LHFPL3: variants seen among roughly 807,000 people sequenced by gnomAD.
LHFPL3 encodes LHFPL tetraspan subfamily member 3 protein.
A neutral mutation model predicts 19.3 loss-of-function variants in LHFPL3; 5 were observed. The ratio of observed to expected loss-of-function variants is 0.26; its 90% CI spans 0.14 to 0.54. The LOEUF (loss-of-function observed/expected upper bound fraction) is 0.54, where lower values mean the gene tolerates loss of function less well. Ranked by LOEUF, LHFPL3 falls within the 20% of genes least tolerant of loss-of-function variation. The probability of loss-of-function intolerance (pLI) is 0.94; values close to 1 mark genes in which losing one functional copy is unlikely to be tolerated. For missense variants in LHFPL3, 249 were observed against 307.4 expected (o/e 0.81, Z 1.42); for synonymous variants, 133 against 126.2 (o/e 1.05, Z -0.36).
At chr7:104,627,150 G>T (rs1791560602) in intron 1 of LHFPL3, among the ~76,000 whole-genome samples, 1 of 151,850 alleles carries the variant, frequency 6.6e-6, no homozygotes, top group African/African-American at 2.4e-5. Context: ...CCGGGCCCTG[G>T]TAACCACCAT....
At chr7:104,809,290 C>A (rs1489689879) in intron 2 of LHFPL3, among the ~76,000 whole-genome samples, 1 of 152,212 alleles carries the variant, frequency 6.6e-6, no homozygotes, top group African/African-American at 2.4e-5. Context: ...CTTTAACATC[C>A]TTTTCCTAAA....
chr7:104,791,444 C>T (rs1297289951), intron 2 of LHFPL3, among the ~76,000 whole-genome samples: 1 of 152,198 alleles, frequency 6.6e-6, no homozygotes, highest in Non-Finnish European at 1.5e-5. Flanking sequence ...GCCCATTCTC[C>T]TTTTGCATCA....
chr7:104,379,547 G>C (rs1408912582), intron 1 of LHFPL3, among the ~76,000 whole-genome samples: 1 of 152,168 alleles, frequency 6.6e-6, no homozygotes, highest in Non-Finnish European at 1.5e-5. Flanking sequence ...TATTGGACAA[G>C]TCAATTATTT....
At chr7:104,501,412 A>T (rs1402177933) in intron 1 of LHFPL3, among the ~76,000 whole-genome samples, 1 of 152,246 alleles carries the variant, frequency 6.6e-6, no homozygotes, top group South Asian at 2.1e-4. Context: ...AATATGATTT[A>T]AACTAAAGGC....
chr7:104,335,965 G>C (rs1464678756), intron 1 of LHFPL3, among the ~76,000 whole-genome samples: 1 of 152,104 alleles, frequency 6.6e-6, no homozygotes, highest in Non-Finnish European at 1.5e-5. Context: ...GGGGAGTAGA[G>C]AGAATTTTGG....
rs573263671 is a variant in LHFPL3 at position 104,812,502 on chromosome 7, A to T, written c.682+75591A>T. On this transcript the variant is annotated intron_variant, in intron 2 of 2. Transcript: ENST00000424859. ...GAGACCCCCATGTCTACAAAAAAAA[A>T]TTTTTTTTTTAATTAGACGTAGCCA... Among the ~76,000 whole-genome samples, 411 of 150,682 alleles carry T rather than the reference A, an allele frequency of 2.7e-3. 2 individuals are homozygous for T. Among genetic ancestry groups the T allele is most frequent in the African/African-American group, 9.0e-3 (369 of 40,792 alleles).
intron 1 of LHFPL3, among the ~76,000 whole-genome samples, chr7:104,702,660 C>A (rs1433410983): frequency 6.6e-6 from 1 of 152,208 alleles, no homozygotes; most frequent in African/African-American, 2.4e-5. Flanking sequence ...ATTTTGCCTG[C>A]AACATGCACT....
chr7:104,371,798 A>G (rs1790621556), intron 1 of LHFPL3, among the ~76,000 whole-genome samples: 1 of 152,212 alleles, frequency 6.6e-6, no homozygotes, highest in African/African-American at 2.4e-5. Context: ...ACAATTTTGC[A>G]ACAGAATAAA....
intron 1 of LHFPL3, among the ~76,000 whole-genome samples, chr7:104,610,742 T>C (rs1369545740): frequency 6.6e-6 from 1 of 152,226 alleles, no homozygotes; most frequent in Non-Finnish European, 1.5e-5. Flanking sequence ...CTTTACTCAG[T>C]CTACTAATTC....
At chr7:104,670,817 C>A (rs1416024552) in intron 1 of LHFPL3, among the ~76,000 whole-genome samples, 1 of 150,974 alleles carries the variant, frequency 6.6e-6, no homozygotes, top group South Asian at 2.1e-4. Context: ...AAATGCCACA[C>A]TAATGTTTGT....
At chr7:104,604,735 A>G (rs1249586036) in intron 1 of LHFPL3, among the ~76,000 whole-genome samples, 1 of 152,224 alleles carries the variant, frequency 6.6e-6, no homozygotes, top group East Asian at 1.9e-4. Context: ...GTCTGTAACT[A>G]TGATATGACT....
At chr7:104,510,142 T>G (rs1424886149) in intron 1 of LHFPL3, among the ~76,000 whole-genome samples, 1 of 152,086 alleles carries the variant, frequency 6.6e-6, no homozygotes, top group East Asian at 1.9e-4. Flanking sequence ...CTCACTATAG[T>G]AGAGTTATTC....
chr7:104,387,719 T>C (rs561432398), intron 1 of LHFPL3, among the ~76,000 whole-genome samples: 139 of 152,314 alleles, frequency 9.1e-4, no homozygotes, highest in African/African-American at 3.2e-3. Context: ...AGAAGCTCAA[T>C]GACCTCCAAG....
chr7:104,572,276 A>G (rs1006857003), intron 1 of LHFPL3, among the ~76,000 whole-genome samples: 2 of 152,208 alleles, frequency 1.3e-5, no homozygotes, highest in African/African-American at 2.4e-5. Flanking sequence ...AAAAGACAAA[A>G]GTTCTCAAAA....
chr7:104,388,390 G>T (rs1034887546), intron 1 of LHFPL3, among the ~76,000 whole-genome samples: 1 of 151,784 alleles, frequency 6.6e-6, no homozygotes, highest in Non-Finnish European at 1.5e-5. Flanking sequence ...CATGTAAAAG[G>T]GATCCTCAAT....
intron 1 of LHFPL3, among the ~76,000 whole-genome samples, chr7:104,574,101 G>A (rs1790279536): frequency 6.6e-6 from 1 of 152,142 alleles, no homozygotes. Flanking sequence ...TTATGAAAAA[G>A]CCTGACAAAA....
At chr7:104,487,695 G>A (rs192450232) in intron 1 of LHFPL3, among the ~76,000 whole-genome samples, 1 of 152,320 alleles carries the variant, frequency 6.6e-6, no homozygotes, top group African/African-American at 2.4e-5. Flanking sequence ...TCAGGGACGT[G>A]TTGAGTCCTT....
chr7:104,835,976 T>C (rs1791086758), intron 2 of LHFPL3, among the ~76,000 whole-genome samples: 1 of 151,888 alleles, frequency 6.6e-6, no homozygotes, highest in Non-Finnish European at 1.5e-5. Flanking sequence ...CAAGAAAATA[T>C]TAGAAAGTAT....
At chr7:104,428,313 G>C (rs56273631) in intron 1 of LHFPL3, among the ~76,000 whole-genome samples, 8,722 of 151,898 alleles carry the variant, frequency 0.057, 274 homozygotes, top group Middle Eastern at 0.095. Context: ...ATTAAATTGT[G>C]TCATGCATAT....
Sources: allele counts gnomAD v4.1 joint callset (sites outside exome capture counted in the v4.1 genomes callset), GRCh38; gene constraint gnomAD v4.1.1; transcripts MANE v1.5; gene names NCBI Gene and HGNC (gene_info 2026-07-23, HGNC 2026-07-21).